NREP: variants seen among roughly 807,000 people sequenced by gnomAD.
NREP encodes the protein neuronal regeneration-related protein.
A neutral mutation model predicts 8.6 loss-of-function variants in NREP; 5 were observed. That is an observed-to-expected ratio of 0.58 (90% CI 0.30 to 1.22). The LOEUF (loss-of-function observed/expected upper bound fraction) is 1.22. Ranked by LOEUF, NREP falls within the 50% of genes most tolerant of loss-of-function variation. The pLI is 0.07. For synonymous variants in NREP, 27 were observed against 28.0 expected, an observed-to-expected ratio of 0.96 and a Z score of 0.11; for missense variants, 86 against 82.5, an observed-to-expected ratio of 1.04 and a Z score of -0.17.
At chr5:111,756,971 A>C (rs924581488) in intron 1 of NREP, among the ~76,000 whole-genome samples, 165 bp downstream of exon 1, 1 of 152,174 alleles carries the variant, frequency 6.6e-6, no homozygotes, top group Non-Finnish European at 1.5e-5. Flanking sequence ...AGCACAACCA[A>C]AATGCCAGAA....
chr5:111,833,117 G>A (rs547174291), intron 2 of NREP, among the ~76,000 whole-genome samples: 32 of 152,286 alleles, frequency 2.1e-4, no homozygotes, highest in African/African-American at 7.0e-4. Flanking sequence ...CCTTAAAGGT[G>A]TTCATAAAAG....
chr5:111,828,211 G>A (rs1308980383), intron 2 of NREP, among the ~76,000 whole-genome samples: 1 of 152,060 alleles, frequency 6.6e-6, no homozygotes, highest in Non-Finnish European at 1.5e-5. Context: ...TATATTTTTA[G>A]TAGAGATGGG....
At chr5:111,794,967 T>A (rs1484072700) in intron 2 of NREP, among the ~76,000 whole-genome samples, 1 of 150,256 alleles carries the variant, frequency 6.7e-6, no homozygotes, top group African/African-American at 2.5e-5. Context: ...AACTGCCTCT[T>A]CATTTTGCTG....
intron 2 of NREP, among the ~76,000 whole-genome samples, chr5:111,909,503 C>A (rs1028289082): frequency 6.6e-6 from 1 of 151,970 alleles, no homozygotes; most frequent in South Asian, 2.1e-4. Flanking sequence ...GCTTCTATAT[C>A]TGTTAGTGTA....
chr5:111,922,153 T>C (rs1755257975), intron 2 of NREP, among the ~76,000 whole-genome samples: 2 of 152,156 alleles, frequency 1.3e-5, no homozygotes, highest in Admixed American at 6.6e-5. Flanking sequence ...AGTAGGACCA[T>C]GGGAAGGAGA....
intron 2 of NREP, among the ~76,000 whole-genome samples, chr5:111,748,402 G>A (rs1193676431): frequency 6.6e-6 from 1 of 152,124 alleles, no homozygotes; most frequent in Non-Finnish European, 1.5e-5. Context: ...ATGACTCATT[G>A]TATGATACCA....
chr5:111,908,367 T>C (rs1754826611), intron 2 of NREP, among the ~76,000 whole-genome samples: 1 of 152,008 alleles, frequency 6.6e-6, no homozygotes, highest in South Asian at 2.1e-4. Flanking sequence ...TGGGGTATGA[T>C]TGATCCCATC....
At chr5:111,945,368 G>T (rs1229714487) in intron 2 of NREP, among the ~76,000 whole-genome samples, 1 of 151,490 alleles carries the variant, frequency 6.6e-6, no homozygotes, top group South Asian at 2.1e-4. Context: ...TGCCATGTTG[G>T]TGTGCTGCAC....
chr5:111,879,543 A>G (rs1753995427), intron 2 of NREP, among the ~76,000 whole-genome samples: 1 of 152,174 alleles, frequency 6.6e-6, no homozygotes, highest in African/African-American at 2.4e-5. Flanking sequence ...TAGACTGGAA[A>G]TATCTTAAGT....
intron 2 of NREP, among the ~76,000 whole-genome samples, chr5:111,873,285 C>T (rs1753830643): frequency 2.0e-5 from 3 of 152,066 alleles, no homozygotes; most frequent in South Asian, 2.1e-4. Flanking sequence ...ATCAGTTTTC[C>T]ATCACTACTG....
At chr5:111,765,203 C>A (rs766607001) in intron 2 of NREP, among the ~76,000 whole-genome samples, 3 of 152,100 alleles carry the variant, frequency 2.0e-5, no homozygotes, top group Non-Finnish European at 4.4e-5. Context: ...AAGCTAGATC[C>A]CTCATTTGTG....
intron 2 of NREP, among the ~76,000 whole-genome samples, chr5:111,858,920 C>T (rs894400574): frequency 6.6e-6 from 1 of 151,932 alleles, no homozygotes; most frequent in Non-Finnish European, 1.5e-5. Flanking sequence ...CAAATTCATT[C>T]CCATTTACCA....
intron 2 of NREP, among the ~76,000 whole-genome samples, chr5:111,865,484 A>G (rs1251321315): frequency 6.6e-6 from 1 of 152,188 alleles, no homozygotes; most frequent in Non-Finnish European, 1.5e-5. Flanking sequence ...GGCAACATGT[A>G]ACACTGAGAG....
intron 2 of NREP, among the ~76,000 whole-genome samples, chr5:111,853,358 A>G (rs1753354185): frequency 6.6e-6 from 1 of 151,908 alleles, no homozygotes; most frequent in African/African-American, 2.4e-5. Flanking sequence ...TAGAATGTAC[A>G]ATGTTGAGTG....
At chr5:111,760,711 A>G (rs908300293), upstream of NREP, among the ~76,000 whole-genome samples, 10 of 152,176 alleles carry the variant, frequency 6.6e-5, no homozygotes, top group African/African-American at 2.4e-4. Flanking sequence ...GGGGCAGATC[A>G]TGAGCTAAGA....
At chr5:111,758,101 G>C (rs1431866222), upstream of NREP, 1 of 985,396 alleles carries the variant, frequency 1.0e-6, no homozygotes, top group Non-Finnish European at 1.2e-6. Context: ...ATTTGCACAC[G>C]GCCTCGGGTC....
chr5:111,830,159 T>G (rs568609337), intron 2 of NREP, among the ~76,000 whole-genome samples: 1 of 152,138 alleles, frequency 6.6e-6, no homozygotes, highest in African/African-American at 2.4e-5. Context: ...AGCTGTTTTT[T>G]TTGTTGTTGT....
At position 111,737,986 on chromosome 5, in the gene NREP, C is replaced by T. The variant is rs188914345; in HGVS notation, c.4-2479G>A. ...GGCCTTCTGGTAGTTTTCCAATCTC[C>T]TTCAAAGTCAGAACCTTAAGCCAAA... is the stretch of plus-strand genomic sequence containing the variant. On this transcript the variant is annotated intron_variant, in intron 2 of 3. Transcript: ENST00000257435. 1.3e-3 allele frequency among the ~76,000 whole-genome samples: 193 copies of T among 152,224 alleles called. 1 individual carries two copies. The East Asian group carries it at 0.03, about 24-fold the overall frequency.
chr5:111,803,232 T>C (rs1752059462), intron 2 of NREP, among the ~76,000 whole-genome samples: 1 of 152,168 alleles, frequency 6.6e-6, no homozygotes, highest in Non-Finnish European at 1.5e-5. Flanking sequence ...GAATAAAAGA[T>C]GCTTGAAGTT....
Sources: gnomAD v4.1 joint callset for allele counts (sites outside exome capture counted in the v4.1 genomes callset) on GRCh38, gnomAD v4.1.1 for gene constraint, MANE v1.5 for transcripts, NCBI Gene and HGNC (gene_info 2026-07-23, HGNC 2026-07-21) for gene names.